The following MASTL variants were observed in gnomAD, a reference collection of about 807,000 sequenced individuals.
The protein encoded by MASTL is serine/threonine-protein kinase greatwall.
MASTL carries 54 observed loss-of-function variants against 82.5 expected under a neutral mutation model. The observed-to-expected ratio is 0.65, with a 90% CI of 0.53 to 0.82. The LOEUF is 0.82. Ranked by LOEUF, MASTL falls within the 40% of genes least tolerant of loss-of-function variation. MASTL has a pLI of 0.00. For missense variants in MASTL, 950 were observed against 1,047.8 expected (o/e 0.91, Z 1.29); for synonymous variants, 323 against 368.9 (o/e 0.88, Z 1.43).
rs746273505 is a variant in MASTL, at chr10:27,158,552, G to T, written c.190G>T (p.Val64Phe). 2 of 1,594,808 alleles carry T rather than the reference G, an allele frequency of 1.3e-6. No individual in the cohort carries two copies. Among genetic ancestry groups the T allele is most frequent in the Non-Finnish European group, 1.7e-6 (2 of 1,162,644 alleles). ...ACTTTTATTTTATCTATTACAGGTT[G>T]TTAAAAAAGCAGACATGATCAACAA... ...KGGKLYAVKV[V>F]KKADMINKNM... The change falls in exon 2 of 12, where the codon GTT becomes TTT. Residue 64 changes from valine to phenylalanine, a missense_variant. Val to Phe is a conservative substitution (Grantham distance 50). Transcript: ENST00000375940.
chr10:27,170,774 A>G lies in MASTL; in HGVS notation c.1815A>G (p.Glu605=), dbSNP rs766327209. The part of the protein sequence containing the change: ...KESSFEESNI[E]DPLIVTPDCQ... ...CCTCTTTTGAAGAATCAAATATTGA[A>G]GATCCACTTATTGTAACACCAGATT... Residue 605 remains glutamate, a synonymous_variant, in exon 8 of 12, where the codon GAA becomes GAG. Coordinates refer to ENST00000375940, the MANE Select transcript of MASTL (RefSeq NM_001172303.3). The G allele has an allele frequency of 1.2e-6, 2 of 1,614,132 alleles. No homozygotes were observed. Among genetic ancestry groups the G allele is most frequent in the Non-Finnish European group, 1.7e-6 (2 of 1,179,988 alleles).
intron 1 of MASTL, among the ~76,000 whole-genome samples, chr10:27,157,630 TTTTTA>T (rs1305162278): frequency 6.6e-6 from 1 of 152,154 alleles, no homozygotes; most frequent in East Asian, 1.9e-4. Flanking sequence ...TCCAACTTTA[TTTTTA>T]TTTATTTATT....
chr10:27,170,619 C>T lies in MASTL; in HGVS notation c.1660C>T (p.Leu554=). ...GAGGGACTACTTAAGTTCTAGTTTT[C>T]TATGTTCTGATGATGATAGAGCTTC... ...SKRDYLSSSF[L]CSDDDRASKN... Residue 554 remains leucine, a synonymous_variant, in exon 8 of 12, where the codon CTA becomes TTA. Coordinates refer to ENST00000375940, the MANE Select transcript of MASTL (RefSeq NM_001172303.3). 1 of 1,606,942 alleles carries T rather than the reference C, an allele frequency of 6.2e-7. No homozygotes were observed. The highest frequency in any genetic ancestry group is 1.1e-5 in the South Asian group (1 of 89,530).
chr10:27,165,659 C>T (rs948722974), intron 6 of MASTL, 120 bp downstream of exon 6: 1 of 1,193,504 alleles, frequency 8.4e-7, no homozygotes, highest in African/African-American at 1.5e-5. Flanking sequence ...GTCATCCAGG[C>T]TGGAGTGCAA....
In MASTL at chr10:27,173,202, C is replaced by T. The variant is rs761508454; in HGVS notation, c.2209C>T (p.Arg737Ter). 8 of 1,614,120 alleles carry T rather than the reference C, an allele frequency of 5.0e-6. No homozygotes were observed. Among genetic ancestry groups the T allele is most frequent in the Admixed American group, 1.7e-5 (1 of 59,998 alleles). Reference sequence around the variant, plus strand: ...AGGGGTGGCCCCCGTTGATGATGGGCGAATTCTAGGAACCCCAGACTACCT... The same window carrying T: ...AGGGGTGGCCCCCGTTGATGATGGGTGAATTCTAGGAACCCCAGACTACCT... The part of the protein sequence containing the change: ...RRGVAPVDDG[R>*]ILGTPDYLAP... The change falls in exon 9 of 12, where the codon CGA (arginine) becomes TGA (stop). Residue 737 changes from arginine (R) to a stop codon, truncating the protein, a stop_gained. Coordinates refer to ENST00000375940, the MANE Select transcript of MASTL (RefSeq NM_001172303.3). LOFTEE classifies it high-confidence loss of function.
At chr10:27,179,505 A>C (rs1384080257) in intron 9 of MASTL, among the ~76,000 whole-genome samples, 1 of 152,316 alleles carries the variant, frequency 6.6e-6, no homozygotes, top group East Asian at 1.9e-4. Flanking sequence ...TGCAGTGAGC[A>C]GAGATTGCAC....
In MASTL at chr10:27,155,402, C is replaced by T. The variant is rs781538985; in HGVS notation, c.-25C>T. ...GCTGCTCGCGGAGGGGCAGTGTCTG[C>T]GGGGCCGCTGTATGCTGTCCAGCGA... On this transcript the variant is annotated 5_prime_UTR_variant, in exon 1 of 12. Coordinates refer to ENST00000375940, the MANE Select transcript of MASTL (RefSeq NM_001172303.3). 2.5e-6 allele frequency: 4 copies of T among 1,582,860 alleles called. No homozygotes were observed. The East Asian group carries it at 7.0e-5, about 28-fold the overall frequency.
At chr10:27,173,343 G>C in intron 9 of MASTL, 84 bp downstream of exon 9, 2 of 1,484,780 alleles carry the variant, frequency 1.3e-6, no homozygotes, top group Non-Finnish European at 9.4e-7. Context: ...AATTTCTTCA[G>C]TACTTACGTT....
chr10:27,183,605 C>A (rs1435772496), intron 11 of MASTL, among the ~76,000 whole-genome samples: 1 of 152,094 alleles, frequency 6.6e-6, no homozygotes, highest in Admixed American at 6.6e-5. Context: ...AAAAGCATTA[C>A]GTCCCAAAAT....
At chr10:27,179,871 G>A (rs1347183564) in intron 9 of MASTL, among the ~76,000 whole-genome samples, 6 of 152,126 alleles carry the variant, frequency 3.9e-5, no homozygotes, top group Admixed American at 6.6e-5. Flanking sequence ...TACATTTCCT[G>A]ATATGAAATT....
intron 8 of MASTL, among the ~76,000 whole-genome samples, chr10:27,171,621 C>T (rs935239229): frequency 2.0e-5 from 3 of 150,636 alleles, no homozygotes; most frequent in African/African-American, 4.9e-5. Flanking sequence ...TTAGTAGAGT[C>T]GGAATTTCAC....
intron 11 of MASTL, among the ~76,000 whole-genome samples, chr10:27,186,104 A>C (rs2058727173): frequency 6.6e-6 from 1 of 152,178 alleles, no homozygotes; most frequent in African/African-American, 2.4e-5. Flanking sequence ...AAAAGCTGTG[A>C]GAAAGATAGG....
chr10:27,172,983 T>C (rs2057997273), intron 8 of MASTL, 135 bp from the exon 9 acceptor site: 1 of 1,012,932 alleles, frequency 9.9e-7, no homozygotes, highest in Non-Finnish European at 1.5e-6. Flanking sequence ...TTTTCAAAAC[T>C]TATCAAAAAT....
intron 1 of MASTL, among the ~76,000 whole-genome samples, chr10:27,157,141 T>A (rs1272018624): frequency 6.6e-6 from 1 of 152,116 alleles, no homozygotes; most frequent in Non-Finnish European, 1.5e-5. Context: ...CTTCTACCCT[T>A]TTGTGCTCTT....
Position 27,170,083 on chromosome 10 carries a change from G to C in MASTL, c.1124G>C (p.Ser375Thr). The C allele has an allele frequency of 6.2e-7, 1 of 1,614,194 alleles. No individual in the cohort carries two copies. Among genetic ancestry groups the C allele is most frequent in the Non-Finnish European group, 8.5e-7 (1 of 1,180,024 alleles). ...TTAGCTCTTTCTCCCATTCATAACA[G>C]CAGTGCCCTTCCCACCACTGGACGC... ...LELALSPIHN[S>T]SALPTTGRSC... Residue 375 changes from serine to threonine, a missense_variant, in exon 8 of 12, where the codon AGC becomes ACC. By Grantham distance (58) the Ser-to-Thr change is moderately conservative (BLOSUM62 1). Coordinates refer to ENST00000375940, the MANE Select transcript of MASTL (RefSeq NM_001172303.3).
At chr10:27,178,300 G>C (rs570520097) in intron 9 of MASTL, among the ~76,000 whole-genome samples, 1 of 151,912 alleles carries the variant, frequency 6.6e-6, no homozygotes, top group South Asian at 2.1e-4. Context: ...GGAGGCTGAG[G>C]TAGGAGAATC....
rs1292730663 is a variant in MASTL at position 27,187,196 on chromosome 10, A to G, written c.*660A>G. Among the ~76,000 whole-genome samples, 1 of 152,200 alleles carries G rather than the reference A, an allele frequency of 6.6e-6. No homozygotes were observed. Among genetic ancestry groups the G allele is most frequent in the Admixed American group, 6.5e-5 (1 of 15,276 alleles). On this transcript the variant is annotated 3_prime_UTR_variant, in exon 12 of 12. Coordinates refer to ENST00000375940, the MANE Select transcript of MASTL (RefSeq NM_001172303.3). Reference sequence around the variant, plus strand: ...GCGCCTGTAGTCCCAGCTACTCTGGAGGCTGAGGCAGGAGAATCGCTGGAA... The same window carrying G: ...GCGCCTGTAGTCCCAGCTACTCTGGGGGCTGAGGCAGGAGAATCGCTGGAA...
intron 7 of MASTL, among the ~76,000 whole-genome samples, chr10:27,168,988 A>G (rs1399457281): frequency 6.6e-6 from 1 of 152,080 alleles, no homozygotes; most frequent in Non-Finnish European, 1.5e-5. Context: ...CCAATTTGCA[A>G]TATTATATAC....
At chr10:27,155,172 C>G, upstream of MASTL, 1 of 541,062 alleles carries the variant, frequency 1.8e-6, no homozygotes, top group African/African-American at 1.9e-5. Flanking sequence ...CTGTTTGTGC[C>G]TCCTCCCTCA....
Sources: gnomAD v4.1 joint callset for allele counts (sites outside exome capture counted in the v4.1 genomes callset) on GRCh38, gnomAD v4.1.1 for gene constraint, MANE v1.5 for transcripts, NCBI Gene and HGNC (gene_info 2026-07-23, HGNC 2026-07-21) for gene names.